The following CENPO variants were observed in gnomAD, a reference collection of about 807,000 sequenced individuals.
CENPO encodes the protein centromeric protein O.
Under a neutral mutation model 36.1 loss-of-function variants are expected in CENPO, and 30 were observed. That is an observed-to-expected ratio of 0.83 (90% confidence interval 0.62 to 1.13). The LOEUF (loss-of-function observed/expected upper bound fraction) is 1.13. CENPO is among the 50% of genes most tolerant of loss of function. The pLI, the probability that CENPO is intolerant of heterozygous loss-of-function variation, is 0.00. For synonymous variants in CENPO, 171 were observed against 142.3 expected, an observed-to-expected ratio of 1.20 and a Z score of -1.44; for missense variants, 349 against 357.8, an observed-to-expected ratio of 0.98 and a Z score of 0.20.
At chr2:24,814,546 AGTTTG>A in intron 4 of CENPO, 53 bp downstream of exon 4, 1 of 833,370 alleles carries the variant, frequency 1.2e-6, no homozygotes, top group Non-Finnish European at 2.1e-6. Flanking sequence ...CTAGTGAGTT[AGTTTG>A]CTAGATGTGT....
chr2:24,811,179 A>G (rs1572738599), intron 3 of CENPO, among the ~76,000 whole-genome samples: 1 of 151,958 alleles, frequency 6.6e-6, no homozygotes, highest in African/African-American at 2.4e-5. Flanking sequence ...TCCTGGCCTC[A>G]AGTGATCTGC....
At chr2:24,811,304 C>T (rs1472691740) in intron 3 of CENPO, among the ~76,000 whole-genome samples, 26 of 21,538 alleles carry the variant, frequency 1.2e-3, no homozygotes, top group African/African-American at 2.6e-3. Context: ...TTTTTTGAGA[C>T]GGAGCCTCGC....
At chr2:24,813,248 AAAG>A (rs930606982) in intron 3 of CENPO, among the ~76,000 whole-genome samples, 1 of 150,756 alleles carries the variant, frequency 6.6e-6, no homozygotes, top group African/African-American at 2.5e-5. Context: ...TGTCTGGAAA[AAAG>A]AAAGAAAGAA....
At chr2:24,809,036 T>G (rs1483817538) in intron 3 of CENPO, among the ~76,000 whole-genome samples, 1 of 152,250 alleles carries the variant, frequency 6.6e-6, no homozygotes, top group Non-Finnish European at 1.5e-5. Context: ...CAGCATAAGC[T>G]GTTCAGATTT....
chr2:24,816,918 TTC>T (rs554329230), intron 6 of CENPO, 101 bp downstream of exon 6: 3 of 1,160,554 alleles, frequency 2.6e-6, no homozygotes, highest in Non-Finnish European at 3.6e-6. Flanking sequence ...TTGAGACACT[TTC>T]TCTGTTTATA....
Position 24,799,733 on chromosome 2 carries a change from T to G in CENPO, c.105T>G (p.Ser35=). Residue 35 remains serine (S), a synonymous_variant, in exon 3 of 8, where the codon TCT becomes TCG. Transcript: ENST00000380834. ...AAGTGAGCAGATCCCGTAAACAGTC[T>G]GAAGAGCTGCAGAGCGTGCAGGCCC... The part of the protein sequence containing the change: ...ETQVSRSRKQ[S]EELQSVQAQE... 6.2e-7 allele frequency: 1 copy of G among 1,614,084 alleles called. No individual in the cohort carries two copies. The highest frequency in any genetic ancestry group is 8.5e-7 in the Non-Finnish European group (1 of 1,180,022).
At chr2:24,794,384 C>T (rs1665786505) in intron 2 of CENPO, among the ~76,000 whole-genome samples, 1 of 152,174 alleles carries the variant, frequency 6.6e-6, no homozygotes, top group Admixed American at 6.5e-5. Flanking sequence ...TTAGGCAAGT[C>T]ACTTTATTCT....
Position 24,822,316 on chromosome 2 carries a change from T to C in CENPO, c.*2998T>C, listed in dbSNP as rs931311768. ...CTGAGCTGTGAACAGCAGGGGGTTGTGTGTCTGTTCTGTTTCTCTGCTTGC... is the reference window on the plus strand; with the variant it reads ...CTGAGCTGTGAACAGCAGGGGGTTGCGTGTCTGTTCTGTTTCTCTGCTTGC... On this transcript the variant is annotated 3_prime_UTR_variant, in exon 8 of 8. Coordinates refer to ENST00000380834, the MANE Select transcript of CENPO (RefSeq NM_001322101.2). 1.4e-6 allele frequency: 1 copy of C among 711,124 alleles called. No individual in the cohort carries two copies. The highest frequency in any genetic ancestry group is 2.3e-6 in the Non-Finnish European group (1 of 443,862). The allele number at this position is 711,124 out of a possible 1,614,324, so 44.1% of individuals were successfully genotyped here.
At chr2:24,817,032 TCTC>T (rs1207040844) in intron 6 of CENPO, among the ~76,000 whole-genome samples, 4 of 152,214 alleles carry the variant, frequency 2.6e-5, no homozygotes, top group Non-Finnish European at 4.4e-5. Flanking sequence ...CATTTTCCCT[TCTC>T]CTTTGCCCAC....
Position 24,815,674 on chromosome 2 carries a change from C to G in CENPO, c.512C>G (p.Thr171Ser). 6.2e-7 allele frequency: 1 copy of G among 1,613,980 alleles called. No homozygotes were observed. Among genetic ancestry groups the G allele is most frequent in the Non-Finnish European group, 8.5e-7 (1 of 1,179,836 alleles). The change falls in exon 5 of 8, where the codon ACC becomes AGC. Residue 171 changes from threonine to serine, a missense_variant. Coordinates refer to ENST00000380834, the MANE Select transcript of CENPO (RefSeq NM_001322101.2). Reference sequence around the variant, plus strand: ...GAGATAGCTGCAAAATATTTACAGACCAACATCCAGCACTTCCTGTTCAGT... The same window carrying G: ...GAGATAGCTGCAAAATATTTACAGAGCAACATCCAGCACTTCCTGTTCAGT... ...LEEIAAKYLQ[T>S]NIQHFLFSLC...
chr2:24,799,887 G>T lies in CENPO; in HGVS notation c.216+43G>T. 3 of 1,591,748 alleles carry T rather than the reference G, an allele frequency of 1.9e-6. No homozygotes were observed. In the South Asian group the frequency reaches 3.4e-5, roughly 18 times the overall value. On this transcript the variant is annotated intron_variant, in intron 3 of 7. Transcript: ENST00000380834. ...ATCAGCAGTTCCTTTAGAGTATAAT[G>T]AACAAACGTGATTTGGGAATTGGTG...
rs1044040 is a variant in CENPO at position 24,819,756 on chromosome 2, C to G, written c.*438C>G. 581,334 of 661,308 alleles carry G rather than the reference C, an allele frequency of 0.88. 257,692 individuals carry two copies. Among genetic ancestry groups the G allele is most frequent in the East Asian group, 0.99 (34,602 of 34,930 alleles). The allele number at this position is 661,308 out of a possible 1,614,324, so 41.0% of individuals were successfully genotyped here. On this transcript the variant is annotated 3_prime_UTR_variant, in exon 8 of 8. Transcript: ENST00000380834. ...ATGCTGGGGACACTACAGGCACACA[C>G]AGGAATAGCAGGGCCACCCTCAGAG...
intron 3 of CENPO, among the ~76,000 whole-genome samples, chr2:24,807,687 G>T (rs1666482899): frequency 6.6e-6 from 1 of 152,198 alleles, no homozygotes; most frequent in Non-Finnish European, 1.5e-5. Context: ...CATAGGATAT[G>T]CATGTTAGGT....
chr2:24,793,493 C>T lies in CENPO; in HGVS notation c.-77C>T, dbSNP rs1313504794. 1 of 1,600,472 alleles carries T rather than the reference C, an allele frequency of 6.2e-7. No individual in the cohort carries two copies. The highest frequency in any genetic ancestry group is 1.3e-5 in the African/African-American group (1 of 74,638). On this transcript the variant is annotated 5_prime_UTR_variant, in exon 1 of 8. Coordinates refer to ENST00000380834, the MANE Select transcript of CENPO (RefSeq NM_001322101.2). ...ACGTGGATGGCGGGAATTCTCGCTT[C>T]TGGCCTGGGTGAGCTAGAAGGGAGA...
intron 2 of CENPO, among the ~76,000 whole-genome samples, chr2:24,796,089 C>T (rs1450860539): frequency 1.3e-5 from 2 of 152,130 alleles, no homozygotes; most frequent in Non-Finnish European, 2.9e-5. Context: ...GGCGCGGTGG[C>T]TCACACCTGT....
chr2:24,797,703 G>A (rs1389837740), intron 2 of CENPO, among the ~76,000 whole-genome samples: 1 of 152,200 alleles, frequency 6.6e-6, no homozygotes, highest in Non-Finnish European at 1.5e-5. Flanking sequence ...TGTTGAACAA[G>A]GCATACCAAC....
intron 5 of CENPO, chr2:24,816,436 C>CTAT (rs1666941197): frequency 1.8e-6 from 1 of 545,482 alleles, no homozygotes; most frequent in East Asian, 3.0e-5. Flanking sequence ...CCATTTAGGC[C>CTAT]TATAGGCCTT....
chr2:24,811,281 A>AATTTTTTT (rs746900520), intron 3 of CENPO, among the ~76,000 whole-genome samples: 1 of 38,372 alleles, frequency 2.6e-5, no homozygotes, highest in African/African-American at 6.5e-5. Context: ...TAGTCCATGA[A>AATTTTTTT]CTTTTTTTTT....
At chr2:24,803,494 C>T (rs561064031) in intron 3 of CENPO, among the ~76,000 whole-genome samples, 7 of 152,192 alleles carry the variant, frequency 4.6e-5, no homozygotes, top group African/African-American at 1.7e-4. Flanking sequence ...CTACACACTG[C>T]TTTGAATGTG....
Sources: gnomAD v4.1 joint callset for allele counts (sites outside exome capture counted in the v4.1 genomes callset) on GRCh38, gnomAD v4.1.1 for gene constraint, MANE v1.5 for transcripts, NCBI Gene and HGNC (gene_info 2026-07-23, HGNC 2026-07-21) for gene names.